TMEM108: variants seen among roughly 807,000 people sequenced by gnomAD.
TMEM108 encodes the protein cancer/testis antigen 124.
TMEM108 carries 12 observed loss-of-function variants against 35.1 expected under a neutral mutation model. That is an observed-to-expected ratio of 0.34 (90% CI 0.22 to 0.55). TMEM108 has a LOEUF of 0.55. TMEM108 is among the 20% of genes least tolerant of loss of function. TMEM108 has a pLI of 0.89. For synonymous variants in TMEM108, 287 were observed against 308.6 expected (o/e 0.93, Z 0.73); for missense variants, 680 against 753.3 (o/e 0.90, Z 1.14).
At chr3:133,351,376 G>A (rs997621836) in intron 3 of TMEM108, among the ~76,000 whole-genome samples, 2 of 152,072 alleles carry the variant, frequency 1.3e-5, no homozygotes, top group South Asian at 2.1e-4. Flanking sequence ...TTCTCCCACC[G>A]GCTCCTTCCT....
chr3:133,135,823 C>G (rs1013392319), intron 2 of TMEM108, among the ~76,000 whole-genome samples: 14 of 152,152 alleles, frequency 9.2e-5, no homozygotes, highest in Non-Finnish European at 7.4e-5. Flanking sequence ...GACCAGCAAG[C>G]TTGAAAGCAC....
At chr3:133,119,109 GC>G (rs1944321145) in intron 2 of TMEM108, 1 of 152,228 alleles carries the variant, frequency 6.6e-6, no homozygotes, top group East Asian at 1.9e-4. Flanking sequence ...GCTGGAAACG[GC>G]ATTTTCGCAT....
chr3:133,278,089 G>A (rs186876710), intron 3 of TMEM108, among the ~76,000 whole-genome samples: 72 of 152,300 alleles, frequency 4.7e-4, no homozygotes, highest in Non-Finnish European at 8.1e-4. Context: ...GCTGCCACAC[G>A]GCATGAGAAG....
chr3:133,335,611 A>G (rs1299985151), intron 3 of TMEM108, among the ~76,000 whole-genome samples: 3 of 152,242 alleles, frequency 2.0e-5, no homozygotes, highest in African/African-American at 7.2e-5. Flanking sequence ...ATAAGATTTG[A>G]TAAAGAAAAT....
intron 2 of TMEM108, among the ~76,000 whole-genome samples, chr3:133,135,972 G>A (rs370938484): frequency 2.0e-5 from 3 of 152,126 alleles, no homozygotes; most frequent in Admixed American, 2.0e-4. Context: ...GAGATGTTAG[G>A]GGGGATATCT....
chr3:133,114,708 G>C (rs1944266775), intron 2 of TMEM108, among the ~76,000 whole-genome samples: 1 of 151,972 alleles, frequency 6.6e-6, no homozygotes, highest in South Asian at 2.1e-4. Flanking sequence ...TATTTCTTTG[G>C]TCAATATCCT....
In TMEM108 at chr3:133,347,246, A is replaced by G. The variant is rs147527398; in HGVS notation, c.41-32506A>G. On this transcript the variant is annotated intron_variant, in intron 3 of 5. Coordinates refer to ENST00000321871, the MANE Select transcript of TMEM108 (RefSeq NM_023943.4). The stretch of plus-strand genomic sequence containing the variant: ...TGGGAAGAACTGACATCTTCACAAT[A>G]TTGAGTCTTCTCATCTGTGAACATA... Among the ~76,000 whole-genome samples the G allele has an allele frequency of 5.0e-3, 768 of 152,254 alleles. 7 individuals are homozygous for G. Among genetic ancestry groups the G allele is most frequent in the Non-Finnish European group, 8.3e-3 (565 of 67,972 alleles).
intron 3 of TMEM108, among the ~76,000 whole-genome samples, chr3:133,257,631 A>C (rs1946566586): frequency 6.6e-6 from 1 of 152,216 alleles, no homozygotes; most frequent in Admixed American, 6.5e-5. Flanking sequence ...AAATTAGACT[A>C]ATATTAAAAA....
intron 3 of TMEM108, among the ~76,000 whole-genome samples, chr3:133,319,120 C>T (rs918732603): frequency 2.6e-5 from 4 of 152,126 alleles, no homozygotes; most frequent in African/African-American, 9.7e-5. Flanking sequence ...CCCTAATCCC[C>T]TCTGGAACAT....
At chr3:133,098,917 T>A (rs1944051393) in intron 2 of TMEM108, among the ~76,000 whole-genome samples, 1 of 152,118 alleles carries the variant, frequency 6.6e-6, no homozygotes, top group Non-Finnish European at 1.5e-5. Context: ...TGTCAGTGGA[T>A]CTACCATTCT....
At chr3:133,387,799 G>T in intron 4 of TMEM108, 1 of 976,846 alleles carries the variant, frequency 1.0e-6, no homozygotes, top group Non-Finnish European at 1.2e-6. Flanking sequence ...AGTCATGCAA[G>T]TAATAGATTG....
At chr3:133,286,213 T>G (rs13092280) in intron 3 of TMEM108, among the ~76,000 whole-genome samples, 31,130 of 152,206 alleles carry the variant, frequency 0.2, 3,973 homozygotes, top group Middle Eastern at 0.32. Flanking sequence ...TGGGATGATG[T>G]AAAGTGATAA....
intron 2 of TMEM108, among the ~76,000 whole-genome samples, chr3:133,223,716 G>C (rs999241947): frequency 6.6e-6 from 1 of 152,090 alleles, no homozygotes; most frequent in Admixed American, 6.5e-5. Context: ...GTTCAGTAAG[G>C]TCACAAAATT....
chr3:133,386,635 G>C, intron 4 of TMEM108: 13 of 1,420,138 alleles, frequency 9.2e-6, no homozygotes, highest in Non-Finnish European at 1.2e-5. Context: ...CTCCTCCAGA[G>C]TCTTGATGGC....
intron 2 of TMEM108, among the ~76,000 whole-genome samples, chr3:133,066,516 T>C (rs1248593764): frequency 6.6e-6 from 1 of 152,126 alleles, no homozygotes; most frequent in East Asian, 1.9e-4. Flanking sequence ...TATTCATGCT[T>C]TTGCATGGAC....
chr3:133,142,666 TC>T (rs1278959486), intron 2 of TMEM108, among the ~76,000 whole-genome samples: 1 of 152,150 alleles, frequency 6.6e-6, no homozygotes, highest in Non-Finnish European at 1.5e-5. Flanking sequence ...ACTTTTCTCC[TC>T]TCCCCATGTG....
intron 3 of TMEM108, among the ~76,000 whole-genome samples, chr3:133,369,205 C>T (rs2072586644): frequency 6.6e-6 from 1 of 152,184 alleles, no homozygotes; most frequent in South Asian, 2.1e-4. Context: ...AACAGAGTGT[C>T]TGGGAGCACT....
intron 2 of TMEM108, among the ~76,000 whole-genome samples, chr3:133,094,221 A>ACCCCCCACC (rs1559830325): frequency 4.4e-4 from 15 of 34,334 alleles, no homozygotes; most frequent in Admixed American, 5.9e-4. Context: ...CCCACCTCCC[A>ACCCCCCACC]CCCCACCCCC....
At chr3:133,262,727 C>A (rs964330825) in intron 3 of TMEM108, among the ~76,000 whole-genome samples, 4 of 152,248 alleles carry the variant, frequency 2.6e-5, no homozygotes, top group Admixed American at 2.6e-4. Flanking sequence ...GTGTGCCAAG[C>A]CCCACTAGGC....
Sources: allele counts gnomAD v4.1 joint callset (sites outside exome capture counted in the v4.1 genomes callset), GRCh38; gene constraint gnomAD v4.1.1; transcripts MANE v1.5; gene names NCBI Gene and HGNC (gene_info 2026-07-23, HGNC 2026-07-21).